Variants in STIM1 observed in about 807,000 individuals in gnomAD.
STIM1 encodes the protein stromal interaction molecule 1.
In STIM1, 25 loss-of-function variants were observed where a neutral mutation model predicts 74.7. That is an observed-to-expected ratio of 0.33 (90% CI 0.24 to 0.47). The LOEUF (loss-of-function observed/expected upper bound fraction) is 0.47. Among genes scored for constraint, STIM1 ranks in the 20% least tolerant of loss-of-function variants. The probability of loss-of-function intolerance (pLI) is 1.00; values close to 1 mark genes in which losing one functional copy is unlikely to be tolerated. For missense variants in STIM1, 728 were observed against 920.8 expected (o/e 0.79, Z 2.71); for synonymous variants, 328 against 348.8 (o/e 0.94, Z 0.66).
intron 2 of STIM1, chr11:3,973,136 CT>C: frequency 4.8e-6 from 2 of 413,366 alleles, no homozygotes; most frequent in South Asian, 3.7e-5. Flanking sequence ...GGCTGCCCCT[CT>C]ATAACCACTG....
At chr11:3,957,039 A>G (rs2093223934) in intron 1 of STIM1, among the ~76,000 whole-genome samples, 2 of 152,234 alleles carry the variant, frequency 1.3e-5, no homozygotes, top group South Asian at 4.1e-4. Flanking sequence ...GTGATAAGCA[A>G]ACCAAGGAAT....
At chr11:3,969,332 A>AAT (rs1255007192) in intron 2 of STIM1, among the ~76,000 whole-genome samples, 1 of 151,922 alleles carries the variant, frequency 6.6e-6, no homozygotes, top group Non-Finnish European at 1.5e-5. Flanking sequence ...AAAAAAAAAA[A>AAT]ATTGGCTGGG....
intron 1 of STIM1, among the ~76,000 whole-genome samples, chr11:3,905,308 C>T (rs772987528): frequency 1.2e-4 from 18 of 149,176 alleles, no homozygotes; most frequent in South Asian, 4.3e-4. Flanking sequence ...AATATAGTTG[C>T]GAGGGAAGGA....
At chr11:3,925,157 G>GA (rs1432837455) in intron 1 of STIM1, among the ~76,000 whole-genome samples, 1 of 152,192 alleles carries the variant, frequency 6.6e-6, no homozygotes, top group African/African-American at 2.4e-5. Context: ...AGCACTTTGG[G>GA]AGGCCGATGC....
intron 8 of STIM1, 24 bp downstream of exon 8, chr11:4,082,375 C>T: frequency 6.3e-7 from 1 of 1,591,018 alleles, no homozygotes; most frequent in African/African-American, 1.3e-5. Context: ...TTCTATTGTC[C>T]TCTTTTCTCC....
intron 5 of STIM1, 124 bp from the exon 6 acceptor site, chr11:4,069,902 A>G (rs2094393021): frequency 9.5e-7 from 1 of 1,050,292 alleles, no homozygotes; most frequent in Admixed American, 1.8e-5. Flanking sequence ...AGAGAAACTA[A>G]TTCCTTCTCA....
At chr11:3,879,815 C>T (rs1452266391) in intron 1 of STIM1, among the ~76,000 whole-genome samples, 2 of 152,120 alleles carry the variant, frequency 1.3e-5, no homozygotes, top group East Asian at 3.8e-4. Context: ...AGAACATCTA[C>T]CTTGTGGGTT....
chr11:3,961,864 A>C (rs934929126), intron 1 of STIM1, among the ~76,000 whole-genome samples: 3 of 152,190 alleles, frequency 2.0e-5, no homozygotes, highest in African/African-American at 7.2e-5. Context: ...TTTAGGATAA[A>C]GCATAGGAGA....
At chr11:4,078,106 AC>A (rs1337627797) in intron 7 of STIM1, among the ~76,000 whole-genome samples, 1 of 152,220 alleles carries the variant, frequency 6.6e-6, no homozygotes, top group Non-Finnish European at 1.5e-5. Context: ...GTATAAAAAA[AC>A]AATAGAGGCT....
chr11:4,011,047 C>G (rs576965983), intron 2 of STIM1, among the ~76,000 whole-genome samples: 2 of 152,308 alleles, frequency 1.3e-5, no homozygotes, highest in East Asian at 1.9e-4. Flanking sequence ...AGAACATGAA[C>G]TCATCCTTTT....
At chr11:3,869,005 G>A (rs1488527351) in intron 1 of STIM1, among the ~76,000 whole-genome samples, 1 of 151,254 alleles carries the variant, frequency 6.6e-6, no homozygotes, top group East Asian at 1.9e-4. Flanking sequence ...GTCTCACTCT[G>A]TCGCCCAGGC....
In STIM1 at chr11:3,856,039, AGCCCCGGCGGACCCACTGTTGG is replaced by A; in HGVS notation, c.-231_-210del. 1 of 566,664 alleles carries A rather than the reference AGCCCCGGCGGACCCACTGTTGG, an allele frequency of 1.8e-6. No homozygotes were observed. Among genetic ancestry groups the A allele is most frequent in the Non-Finnish European group, 3.2e-6 (1 of 316,134 alleles). 35.1% of individuals were successfully genotyped at this position (566,664 alleles called of 1,614,324 possible). On this transcript the variant is annotated 5_prime_UTR_variant, in exon 1 of 13. Transcript: ENST00000526596. The stretch of plus-strand genomic sequence containing the variant: ...AAGCGGCACGAGCTCAGGCCGCCGC[AGCCCCGGCGGACCCACTGTTGG>A]ACCTGAGGAGCCAGCCCTCCTCCCG...
intron 1 of STIM1, among the ~76,000 whole-genome samples, chr11:3,960,062 T>A (rs1036314902): frequency 2.0e-5 from 3 of 152,244 alleles, no homozygotes; most frequent in Non-Finnish European, 2.9e-5. Context: ...TGTGATGAAA[T>A]ATAAGTATGC....
intron 2 of STIM1, among the ~76,000 whole-genome samples, chr11:4,015,020 C>G (rs538995602): frequency 6.6e-6 from 1 of 152,272 alleles, no homozygotes; most frequent in South Asian, 2.1e-4. Flanking sequence ...CACTCTGTGT[C>G]TTTTAATTGG....
At chr11:4,091,199 T>G in intron 12 of STIM1, 83 bp from the exon 13 acceptor site, 1 of 1,592,964 alleles carries the variant, frequency 6.3e-7, no homozygotes, top group South Asian at 1.1e-5. Context: ...TCTTCTCGTG[T>G]TGTCCCTCTC....
intron 1 of STIM1, among the ~76,000 whole-genome samples, chr11:3,890,463 G>C (rs1283312758): frequency 6.6e-6 from 1 of 152,202 alleles, no homozygotes. Flanking sequence ...CACTGACAGA[G>C]ACTCATGGCT....
intron 1 of STIM1, among the ~76,000 whole-genome samples, chr11:3,924,168 C>A (rs1218632373): frequency 6.8e-6 from 1 of 147,810 alleles, no homozygotes; most frequent in Non-Finnish European, 1.5e-5. Context: ...TGTAAGTTGT[C>A]TTGTAGTGGT....
At chr11:4,019,281 C>T (rs2093933081) in intron 2 of STIM1, among the ~76,000 whole-genome samples, 2 of 152,170 alleles carry the variant, frequency 1.3e-5, no homozygotes, top group Admixed American at 6.5e-5. Flanking sequence ...CTCTTGGCAT[C>T]TCCTATTCCT....
chr11:3,910,107 C>CTAGG (rs2092537254), intron 1 of STIM1, among the ~76,000 whole-genome samples: 1 of 151,982 alleles, frequency 6.6e-6, no homozygotes, highest in Non-Finnish European at 1.5e-5. Context: ...GGAGATAAGG[C>CTAGG]TAGGGAAACA....
Sources: gnomAD v4.1 joint callset for allele counts (sites outside exome capture counted in the v4.1 genomes callset) on GRCh38, gnomAD v4.1.1 for gene constraint, MANE v1.5 for transcripts, NCBI Gene and HGNC (gene_info 2026-07-23, HGNC 2026-07-21) for gene names.